Variants in PDE3B observed in about 807,000 individuals in gnomAD.
PDE3B encodes phosphodiesterase 3B, also known as cGMP-inhibited 3',5'-cyclic phosphodiesterase 3B.
Under a neutral mutation model 116.8 loss-of-function variants are expected in PDE3B, and 66 were observed. The ratio of observed to expected loss-of-function variants is 0.56; its 90% CI spans 0.46 to 0.69. PDE3B has a LOEUF of 0.69. Ranked by LOEUF, PDE3B falls within the 30% of genes least tolerant of loss-of-function variation. The pLI is 0.00. For missense variants in PDE3B, 1,384 were observed against 1,368.1 expected, an observed-to-expected ratio of 1.01 and a Z score of -0.18; for synonymous variants, 595 against 533.6, an observed-to-expected ratio of 1.12 and a Z score of -1.59.
chr11:14,850,981 A>ATTTT (rs143254814), intron 12 of PDE3B, among the ~76,000 whole-genome samples: 6 of 103,372 alleles, frequency 5.8e-5, no homozygotes, highest in Non-Finnish European at 7.9e-5. Context: ...ACACCCAGCT[A>ATTTT]TTTTTTTTTT....
intron 1 of PDE3B, among the ~76,000 whole-genome samples, chr11:14,721,274 G>A (rs371770022): frequency 3.0e-4 from 45 of 151,934 alleles, no homozygotes; most frequent in South Asian, 1.0e-3. Flanking sequence ...TCAGGAAACA[G>A]CAGGTGCTGG....
At chr11:14,839,921 A>G (rs928856195) in intron 11 of PDE3B, among the ~76,000 whole-genome samples, 3 of 152,216 alleles carry the variant, frequency 2.0e-5, no homozygotes, top group African/African-American at 7.2e-5. Context: ...CTAGGGATCC[A>G]GTGGTCTAGG....
the PDE3B span, chr11:14,891,972 G>A: frequency 1.2e-6 from 2 of 1,612,264 alleles, no homozygotes; most frequent in Non-Finnish European, 8.5e-7. Context: ...GGGCCCGTCG[G>A]GGCTGTACCT....
chr11:14,672,909 A>G (rs550623926), intron 1 of PDE3B, among the ~76,000 whole-genome samples: 3 of 142,820 alleles, frequency 2.1e-5, no homozygotes, highest in Admixed American at 7.5e-5. Context: ...GTCATAGCAA[A>G]AACTTTACTT....
the PDE3B span, chr11:14,885,963 G>T: frequency 1.9e-6 from 3 of 1,583,478 alleles, no homozygotes; most frequent in Admixed American, 3.3e-5. Flanking sequence ...AGCATGTATG[G>T]AGAAATATAA....
intron 5 of PDE3B, among the ~76,000 whole-genome samples, chr11:14,814,405 G>T (rs1437997919): frequency 6.6e-6 from 1 of 151,924 alleles, no homozygotes; most frequent in Non-Finnish European, 1.5e-5. Flanking sequence ...AGTAAATTTT[G>T]CAATATTTTA....
intron 12 of PDE3B, among the ~76,000 whole-genome samples, chr11:14,847,304 C>T (rs1223134384): frequency 4.0e-5 from 6 of 151,172 alleles, no homozygotes; most frequent in African/African-American, 1.5e-4. Flanking sequence ...AGAACAAAGA[C>T]ACAACATACC....
At chr11:14,647,014 G>C (rs1358955743) in intron 1 of PDE3B, among the ~76,000 whole-genome samples, 1 of 151,938 alleles carries the variant, frequency 6.6e-6, no homozygotes, top group Admixed American at 6.6e-5. Flanking sequence ...TACTAGAAAA[G>C]GGTATTTTTA....
intron 1 of PDE3B, among the ~76,000 whole-genome samples, chr11:14,740,962 G>T (rs1201196532): frequency 6.6e-6 from 1 of 152,168 alleles, no homozygotes; most frequent in Non-Finnish European, 1.5e-5. Context: ...TGTGGCCTGA[G>T]AAACTGTTTG....
chr11:14,885,809 G>A, the PDE3B span: 1 of 1,613,140 alleles, frequency 6.2e-7, no homozygotes, highest in Non-Finnish European at 8.5e-7. Flanking sequence ...AATAAAGGAA[G>A]GCATGGTCTG....
At chr11:14,708,095 T>C (rs1855584499) in intron 1 of PDE3B, among the ~76,000 whole-genome samples, 1 of 152,084 alleles carries the variant, frequency 6.6e-6, no homozygotes, top group African/African-American at 2.4e-5. Flanking sequence ...AAGGGAGATA[T>C]TTGGGTCATA....
At chr11:14,806,720 G>A (rs1191694831) in intron 5 of PDE3B, among the ~76,000 whole-genome samples, 2 of 150,426 alleles carry the variant, frequency 1.3e-5, no homozygotes, top group Non-Finnish European at 3.0e-5. Flanking sequence ...TTAGCCGGGC[G>A]TAGTGGCGGG....
chr11:14,659,548 G>A (rs1853825935), intron 1 of PDE3B, among the ~76,000 whole-genome samples: 1 of 152,168 alleles, frequency 6.6e-6, no homozygotes, highest in Non-Finnish European at 1.5e-5. Flanking sequence ...ACATGTGCAG[G>A]TTTGTAAAGG....
the PDE3B span, chr11:14,886,013 A>G: frequency 1.6e-6 from 2 of 1,213,708 alleles, no homozygotes; most frequent in Non-Finnish European, 2.4e-6. Flanking sequence ...CTCTTCCAGG[A>G]TTTGTTACGT....
intron 2 of PDE3B, among the ~76,000 whole-genome samples, chr11:14,777,551 G>A (rs1857824920): frequency 6.6e-6 from 1 of 152,128 alleles, no homozygotes; most frequent in African/African-American, 2.4e-5. Context: ...TCAAGTAATA[G>A]CAGATTTCTC....
chr11:14,821,720 G>T (rs540569892), intron 7 of PDE3B, among the ~76,000 whole-genome samples: 1 of 151,990 alleles, frequency 6.6e-6, no homozygotes, highest in South Asian at 2.1e-4. Context: ...ATTAATGATT[G>T]GTATATTCAT....
intron 1 of PDE3B, among the ~76,000 whole-genome samples, chr11:14,753,578 C>T (rs1286122899): frequency 6.6e-6 from 1 of 152,042 alleles, no homozygotes; most frequent in Admixed American, 6.6e-5. Flanking sequence ...TTAGGCTAAA[C>T]ATCCAGTGCT....
chr11:14,878,303 CA>C, the PDE3B span: 1 of 1,612,174 alleles, frequency 6.2e-7, no homozygotes, highest in East Asian at 2.2e-5. Context: ...TCTTCCTAAA[CA>C]GAAAAAGCAG....
intron 1 of PDE3B, among the ~76,000 whole-genome samples, chr11:14,718,056 A>T (rs926421015): frequency 2.0e-5 from 3 of 150,752 alleles, no homozygotes; most frequent in Non-Finnish European, 4.5e-5. Context: ...CATAGGCTGA[A>T]AATAAAAGGA....
Sources: gnomAD v4.1 joint callset for allele counts (sites outside exome capture counted in the v4.1 genomes callset) on GRCh38, gnomAD v4.1.1 for gene constraint, MANE v1.5 for transcripts, NCBI Gene and HGNC (gene_info 2026-07-23, HGNC 2026-07-21) for gene names.